Variants in SLC30A5 observed in about 807,000 individuals in gnomAD.
SLC30A5 encodes solute carrier family 30 member 5.
Under a neutral mutation model 79.6 loss-of-function variants are expected in SLC30A5, and 33 were observed. The observed-to-expected ratio is 0.41, with a 90% CI of 0.31 to 0.55. SLC30A5 has a LOEUF of 0.55. Among genes scored for constraint, SLC30A5 ranks in the 20% least tolerant of loss-of-function variants. The pLI is 0.20. For missense variants in SLC30A5, 788 were observed against 928.1 expected, an observed-to-expected ratio of 0.85 and a Z score of 1.96; for synonymous variants, 299 against 319.7, an observed-to-expected ratio of 0.94 and a Z score of 0.69.
intron 1 of SLC30A5, among the ~76,000 whole-genome samples, chr5:69,098,450 C>T (rs186472871): frequency 1.2e-3 from 176 of 151,998 alleles, no homozygotes; most frequent in African/African-American, 4.0e-3. Flanking sequence ...TGCTTGAACC[C>T]GGGGGTTCAA....
Position 69,116,162 on chromosome 5 carries a change from T to A in SLC30A5, c.1020T>A (p.Thr340=). The A allele has an allele frequency of 6.2e-7, 1 of 1,614,204 alleles. No individual in the cohort carries two copies. Among genetic ancestry groups the A allele is most frequent in the South Asian group, 1.1e-5 (1 of 91,078 alleles). The part of the protein sequence containing the change: ...AMNKAAHQES[T]EHVLSGGVVV... Reference sequence around the variant, plus strand: ...ACAAAGCAGCACACCAGGAGAGCACTGAACACGTCCTGTCTGGAGGAGTGG... The same window carrying A: ...ACAAAGCAGCACACCAGGAGAGCACAGAACACGTCCTGTCTGGAGGAGTGG... The change falls in exon 9 of 16, where the codon ACT becomes ACA. Residue 340 remains threonine (T), a synonymous_variant. Coordinates refer to ENST00000396591, the MANE Select transcript of SLC30A5 (RefSeq NM_022902.5). This position sits in a 1 kb window ranked among gnomAD's most constrained non-coding sequence, Gnocchi z 4.0.
intron 4 of SLC30A5, among the ~76,000 whole-genome samples, chr5:69,106,917 G>A (rs187676788): frequency 2.4e-3 from 370 of 151,044 alleles, no homozygotes; most frequent in African/African-American, 8.7e-3. Flanking sequence ...TCAGACTAGA[G>A]TATATGGCAC....
intron 1 of SLC30A5, among the ~76,000 whole-genome samples, chr5:69,098,964 T>C (rs1745826633): frequency 6.6e-6 from 1 of 152,238 alleles, no homozygotes; most frequent in African/African-American, 2.4e-5. Context: ...CAACTAGTTT[T>C]TGTTGCAGAT....
intron 3 of SLC30A5, chr5:69,103,931 AC>A: frequency 6.8e-7 from 1 of 1,474,234 alleles, no homozygotes; most frequent in Non-Finnish European, 9.2e-7. Context: ...AATAGTCTAA[AC>A]CCCATTTTAA....
chr5:69,114,548 A>C (rs2111972977), intron 7 of SLC30A5, 52 bp downstream of exon 7: 1 of 1,059,578 alleles, frequency 9.4e-7, no homozygotes, highest in East Asian at 2.4e-5. Context: ...AAGTTGTAGC[A>C]ACTATAACTA....
At position 69,130,984 on chromosome 5, in the gene SLC30A5, G is replaced by T. The variant is rs994790500; in HGVS notation, c.*1367G>T. On this transcript the variant is annotated 3_prime_UTR_variant, in exon 16 of 16. Coordinates refer to ENST00000396591, the MANE Select transcript of SLC30A5 (RefSeq NM_022902.5). ...ATATGAGGGGTTTTAGAAATTTGTT[G>T]TAAGTTATTTTTATATTCCTTGTCT... 6.6e-6 allele frequency: 1 copy of T among 152,048 alleles called. No homozygotes were observed. The allele number at this position is 152,048 out of a possible 1,614,324, so 9.4% of individuals were successfully genotyped here. A position where few individuals can be genotyped will look rare whatever the true frequency, so the allele number is the denominator to read the frequency against.
intron 5 of SLC30A5, among the ~76,000 whole-genome samples, chr5:69,110,576 T>A (rs1162175528): frequency 6.6e-6 from 1 of 151,894 alleles, no homozygotes; most frequent in Non-Finnish European, 1.5e-5. Flanking sequence ...GCTTTGTGAG[T>A]TTACAAAATA....
rs1746797512 is a variant in SLC30A5 at position 69,129,594 on chromosome 5, A to C, written c.2275A>C (p.Lys759Gln). The change falls in exon 16 of 16, where the codon AAA (lysine) becomes CAA (glutamine). Residue 759 changes from lysine to glutamine, a missense_variant. Physicochemically the swap from Lys to Gln is moderately conservative, Grantham distance 53. Coordinates refer to ENST00000396591, the MANE Select transcript of SLC30A5 (RefSeq NM_022902.5). Reference protein sequence around the residue: ...TKQMESMKYCKDGTYIM With the variant: ...TKQMESMKYCQDGTYIM The stretch of plus-strand genomic sequence containing the variant: ...ACAAATGGAATCCATGAAATACTGC[A>C]AAGATGGTACTTACATCATGTGAGA... The C allele has an allele frequency of 6.2e-7, 1 of 1,612,794 alleles. No homozygotes were observed. The highest frequency in any genetic ancestry group is 1.7e-5 in the Admixed American group (1 of 59,878).
At chr5:69,118,271 A>G (rs1349231521) in intron 11 of SLC30A5, 1 of 126,880 alleles carries the variant, frequency 7.9e-6, no homozygotes, top group Non-Finnish European at 1.7e-5. Flanking sequence ...ATATTCATAT[A>G]TAACGTATAT....
chr5:69,109,036 A>AG (rs1746161215), intron 5 of SLC30A5, among the ~76,000 whole-genome samples: 1 of 152,184 alleles, frequency 6.6e-6, no homozygotes, highest in Non-Finnish European at 1.5e-5. Flanking sequence ...TAGTACATAG[A>AG]GGACCCTCAC....
Position 69,104,549 on chromosome 5 carries a change from C to A in SLC30A5, c.274-82C>A, listed in dbSNP as rs770385198. 256 of 1,430,424 alleles carry A rather than the reference C, an allele frequency of 1.8e-4. No individual in the cohort carries two copies. In the African/African-American group the frequency reaches 2.8e-3, roughly 16 times the overall value. The allele number at this position is 1,430,424 out of a possible 1,614,324, so 88.6% of individuals were successfully genotyped here. A position where few individuals can be genotyped will look rare whatever the true frequency, so the allele number is the denominator to read the frequency against. ...CCTTTAAAATATTTGTTATTATTATCTTTCTGTATTTTATTTAAAATTTGG... is the reference window on the plus strand; with the variant it reads ...CCTTTAAAATATTTGTTATTATTATATTTCTGTATTTTATTTAAAATTTGG... On this transcript the variant is annotated intron_variant, in intron 3 of 15. Coordinates refer to ENST00000396591, the MANE Select transcript of SLC30A5 (RefSeq NM_022902.5).
chr5:69,096,332 A>G (rs932574111), intron 1 of SLC30A5, among the ~76,000 whole-genome samples: 1 of 152,218 alleles, frequency 6.6e-6, no homozygotes, highest in Non-Finnish European at 1.5e-5. Context: ...CGTAAACTGG[A>G]AATTATTTTT....
At position 69,130,395 on chromosome 5, in the gene SLC30A5, A is replaced by T. The variant is rs1746819377; in HGVS notation, c.*778A>T. 1 of 152,162 alleles carries T rather than the reference A, an allele frequency of 6.6e-6. No homozygotes were observed. The highest frequency in any genetic ancestry group is 1.5e-5 in the Non-Finnish European group (1 of 68,010). The allele number at this position is 152,162 out of a possible 1,614,324, so 9.4% of individuals were successfully genotyped here. On this transcript the variant is annotated 3_prime_UTR_variant, in exon 16 of 16. Coordinates refer to ENST00000396591, the MANE Select transcript of SLC30A5 (RefSeq NM_022902.5). ...TTTCTTGTTATATATTTGACATTCC[A>T]AGCTGCTTATCAAGCTGGTATCCAA...
intron 12 of SLC30A5, 81 bp from the exon 13 acceptor site, chr5:69,121,613 A>G: frequency 2.1e-6 from 2 of 945,026 alleles, no homozygotes; most frequent in African/African-American, 3.3e-5. Context: ...AGAAAAACAT[A>G]TATAGCTATA....
intron 13 of SLC30A5, among the ~76,000 whole-genome samples, chr5:69,122,561 C>G (rs767760073): frequency 2.4e-4 from 37 of 152,100 alleles, no homozygotes; most frequent in Non-Finnish European, 3.4e-4. Context: ...GGCTGAGACA[C>G]GAGAATCACT....
At chr5:69,095,200 T>TC (rs1745687661) in intron 1 of SLC30A5, among the ~76,000 whole-genome samples, 1 of 121,672 alleles carries the variant, frequency 8.2e-6, no homozygotes, top group African/African-American at 3.4e-5. Flanking sequence ...ACGTAACTTT[T>TC]TTTTTTTTTT....
chr5:69,118,743 A>G (rs1351786474), intron 12 of SLC30A5, 115 bp downstream of exon 12: 1 of 742,594 alleles, frequency 1.3e-6, no homozygotes, highest in East Asian at 3.2e-5. Flanking sequence ...TTTTACTTAT[A>G]TCAACATAAC....
intron 15 of SLC30A5, 89 bp downstream of exon 15, chr5:69,128,221 T>A: frequency 1.0e-6 from 1 of 962,248 alleles, no homozygotes; most frequent in Non-Finnish European, 1.5e-6. Context: ...AGTAGTCATT[T>A]ACTATTCAGA....
At chr5:69,097,440 C>T (rs1745779549) in intron 1 of SLC30A5, among the ~76,000 whole-genome samples, 2 of 152,096 alleles carry the variant, frequency 1.3e-5, no homozygotes, top group South Asian at 4.2e-4. Flanking sequence ...CTTTCCTTCC[C>T]TTCCTTCATT....
Sources: allele counts gnomAD v4.1 joint callset (sites outside exome capture counted in the v4.1 genomes callset), GRCh38; gene constraint gnomAD v4.1.1; non-coding constraint Gnocchi (gnomAD v3.1); transcripts MANE v1.5; gene names NCBI Gene and HGNC (gene_info 2026-07-23, HGNC 2026-07-21).